SLCO4A1: variants seen among roughly 807,000 people sequenced by gnomAD.
SLCO4A1 encodes colon organic anion transporter.
In SLCO4A1, 51 loss-of-function variants were observed where a neutral mutation model predicts 64.6. That is an observed-to-expected ratio of 0.79 (90% CI 0.63 to 1.00). The LOEUF is 1.00. SLCO4A1 is among the 50% of genes least tolerant of loss of function. SLCO4A1 has a pLI of 0.00. For synonymous variants in SLCO4A1, 471 were observed against 444.9 expected (o/e 1.06, Z -0.74); for missense variants, 919 against 980.5 (o/e 0.94, Z 0.84).
intron 7 of SLCO4A1, among the ~76,000 whole-genome samples, chr20:62,667,061 C>G (rs933549410): frequency 6.6e-6 from 1 of 152,244 alleles, no homozygotes; most frequent in African/African-American, 2.4e-5. Context: ...AGTGCACCTG[C>G]AGGTGCCGTG....
chr20:62,674,137 T>C (rs1468055375), downstream of SLCO4A1, among the ~76,000 whole-genome samples: 2 of 152,150 alleles, frequency 1.3e-5, no homozygotes, highest in African/African-American at 4.8e-5. Flanking sequence ...AGCCCTCTGC[T>C]CAGAGCTACG....
intron 5 of SLCO4A1, among the ~76,000 whole-genome samples, chr20:62,662,005 A>G (rs762284201): frequency 6.6e-6 from 1 of 150,974 alleles, no homozygotes; most frequent in Admixed American, 6.6e-5. Context: ...GCACGGGGAG[A>G]CTCTTGTGCC....
intron 1 of SLCO4A1, among the ~76,000 whole-genome samples, chr20:62,655,715 C>T (rs567030985): frequency 1.6e-4 from 25 of 152,274 alleles, no homozygotes; most frequent in Admixed American, 1.2e-3. Context: ...CGGAGCTTGG[C>T]GGCCGGGGGT....
chr20:62,648,960 G>A (rs117616134), intron 1 of SLCO4A1: 5,434 of 152,410 alleles, frequency 0.036, 147 homozygotes, highest in Middle Eastern at 0.078. Context: ...CGGTACCAAA[G>A]TATGGAAGGA....
At chr20:62,670,052 T>G (rs1221617929) in intron 11 of SLCO4A1, 1 of 152,288 alleles carries the variant, frequency 6.6e-6, no homozygotes, top group Non-Finnish European at 1.5e-5. Flanking sequence ...CTGCACAGTC[T>G]GGTGAGATCT....
chr20:62,669,619 C>T (rs1601678349), intron 11 of SLCO4A1, among the ~76,000 whole-genome samples: 1 of 152,176 alleles, frequency 6.6e-6, no homozygotes, highest in Non-Finnish European at 1.5e-5. Context: ...TGGGAGGAAA[C>T]GCAGTATTTG....
intron 2 of SLCO4A1, among the ~76,000 whole-genome samples, chr20:62,681,439 T>C (rs767131104): frequency 6.6e-5 from 10 of 150,446 alleles, no homozygotes; most frequent in Non-Finnish European, 1.5e-4. Context: ...TACACACTCG[T>C]GTGTGTGTAT....
chr20:62,658,445 G>A (rs1266535895), intron 2 of SLCO4A1, among the ~76,000 whole-genome samples: 1 of 152,274 alleles, frequency 6.6e-6, no homozygotes. Context: ...CCTTTCGTAA[G>A]GGAAAGACAG....
intron 2 of SLCO4A1, among the ~76,000 whole-genome samples, chr20:62,682,318 A>G (rs576307965): frequency 6.6e-6 from 1 of 152,350 alleles, no homozygotes; most frequent in Non-Finnish European, 1.5e-5. Context: ...CACCATGGAA[A>G]GAGACCATAG....
At chr20:62,688,186 G>A (rs574098222), downstream of SLCO4A1, among the ~76,000 whole-genome samples, 16 of 152,144 alleles carry the variant, frequency 1.1e-4, no homozygotes, top group African/African-American at 3.9e-4. Flanking sequence ...TATGCAAGCC[G>A]CAGAAGCTGG....
At position 62,667,826 on chromosome 20, in the gene SLCO4A1, G is replaced by A. The variant is rs762095234; in HGVS notation, c.1554G>A (p.Val518=). Residue 518 remains valine, a synonymous_variant, in exon 8 of 12, where the codon GTG becomes GTA. Coordinates refer to ENST00000217159, the MANE Select transcript of SLCO4A1 (RefSeq NM_016354.4). The stretch of plus-strand genomic sequence containing the variant: ...GCCAGCCAGAACACTACAGCCCTGT[G>A]TGCGGCTCGGACGGCCTCATGTACT... ...CSCQPEHYSP[V]CGSDGLMYFS... is the part of the protein sequence containing the mutation. 10 of 1,613,258 alleles carry A rather than the reference G, an allele frequency of 6.2e-6. No homozygotes were observed. The African/African-American group carries it at 1.2e-4, about 19-fold the overall frequency.
At position 62,642,571 on chromosome 20, in the gene SLCO4A1, G is replaced by T; in HGVS notation, c.-97+18G>T. 5.2e-6 allele frequency: 1 copy of T among 192,106 alleles called. No homozygotes were observed. Among genetic ancestry groups the T allele is most frequent in the South Asian group, 7.2e-5 (1 of 13,820 alleles). The allele number at this position is 192,106 out of a possible 1,614,324, so 11.9% of individuals were successfully genotyped here. On this transcript the variant is annotated intron_variant, in intron 1 of 11. Coordinates refer to ENST00000217159, the MANE Select transcript of SLCO4A1 (RefSeq NM_016354.4). ...CGGGGACGGTGAGTGCGCGGGGAGC[G>T]GGGAGCTGGCGCGGGTGCACAGGGC...
downstream of SLCO4A1, among the ~76,000 whole-genome samples, chr20:62,688,844 G>A (rs893916607): frequency 6.6e-6 from 1 of 152,218 alleles, no homozygotes; most frequent in Admixed American, 6.5e-5. Flanking sequence ...GGAAGCTGGG[G>A]TGGCCAGGCT....
rs117035894 is a variant in SLCO4A1 at position 62,671,994 on chromosome 20, C to T, written c.*101C>T. ...AATCACACGGGAACTTCTATTTGACCTGCAACCTTCTACTTAACCTGTGGT... is the reference window on the plus strand; with the variant it reads ...AATCACACGGGAACTTCTATTTGACTTGCAACCTTCTACTTAACCTGTGGT... On this transcript the variant is annotated 3_prime_UTR_variant, in exon 12 of 12. Coordinates refer to ENST00000217159, the MANE Select transcript of SLCO4A1 (RefSeq NM_016354.4). 30,954 of 1,594,414 alleles carry T rather than the reference C, an allele frequency of 0.019. 385 individuals are homozygous for T. Among genetic ancestry groups the T allele is most frequent in the Non-Finnish European group, 0.023 (26,882 of 1,177,386 alleles).
downstream of SLCO4A1, among the ~76,000 whole-genome samples, chr20:62,690,232 C>T (rs143585175): frequency 0.032 from 4,824 of 152,334 alleles, 137 homozygotes; most frequent in Non-Finnish European, 0.047. Context: ...TCCCCTCTGT[C>T]TCAGGGGCCC....
At chr20:62,666,637 TGGA>T (rs997700969) in intron 7 of SLCO4A1, 62 bp downstream of exon 7, 17 of 1,421,112 alleles carry the variant, frequency 1.2e-5, no homozygotes, top group East Asian at 2.3e-5. Context: ...TCCCTGGGCA[TGGA>T]GGAGGAGTGG....
intron 1 of SLCO4A1, among the ~76,000 whole-genome samples, chr20:62,652,766 G>A (rs1456338591): frequency 6.6e-6 from 1 of 152,230 alleles, no homozygotes; most frequent in East Asian, 1.9e-4. Context: ...GGGCACCCAG[G>A]GAGCAGGCCC....
At chr20:62,666,119 C>CCCCCACCT (rs1364782406) in intron 6 of SLCO4A1, 1 of 59,864 alleles carries the variant, frequency 1.7e-5, no homozygotes, top group Non-Finnish European at 3.5e-5. Flanking sequence ...CGCCCCCCCG[C>CCCCCACCT]TCCCCCTTCC....
intron 1 of SLCO4A1, among the ~76,000 whole-genome samples, chr20:62,654,434 C>T (rs1447311010): frequency 1.3e-5 from 2 of 152,222 alleles, no homozygotes; most frequent in South Asian, 4.1e-4. Flanking sequence ...TGAGCAGACT[C>T]TGTGAGGAGC....
Sources: allele counts gnomAD v4.1 joint callset (sites outside exome capture counted in the v4.1 genomes callset), GRCh38; gene constraint gnomAD v4.1.1; transcripts MANE v1.5; gene names NCBI Gene and HGNC (gene_info 2026-07-23, HGNC 2026-07-21).